The following COL13A1 variants were observed in gnomAD, a reference collection of about 807,000 sequenced individuals.
COL13A1 encodes the protein collagen alpha-1(XIII) chain.
A neutral mutation model predicts 130.9 loss-of-function variants in COL13A1; 89 were observed. The observed-to-expected ratio is 0.68, with a 90% CI of 0.57 to 0.81. COL13A1 has a LOEUF of 0.81. Ranked by LOEUF, COL13A1 falls within the 30% of genes least tolerant of loss-of-function variation. The pLI is 0.00. For synonymous variants in COL13A1, 402 were observed against 341.6 expected, an observed-to-expected ratio of 1.18 and a Z score of -1.95; for missense variants, 879 against 934.6, an observed-to-expected ratio of 0.94 and a Z score of 0.78.
At chr10:69,955,144 A>G (rs1002334665) in intron 39 of COL13A1, 1 of 152,206 alleles carries the variant, frequency 6.6e-6, no homozygotes, top group African/African-American at 2.4e-5. Flanking sequence ...AACAAAAGAG[A>G]AAAAGATACA....
At chr10:69,826,032 G>A (rs1240365270) in intron 2 of COL13A1, among the ~76,000 whole-genome samples, 2 of 152,204 alleles carry the variant, frequency 1.3e-5, no homozygotes, top group African/African-American at 4.8e-5. Flanking sequence ...ATATGGCCTG[G>A]TGGGATAGGA....
chr10:69,920,920 T>C (rs1018269725), intron 21 of COL13A1, among the ~76,000 whole-genome samples: 3 of 152,138 alleles, frequency 2.0e-5, no homozygotes, highest in Non-Finnish European at 4.4e-5. Context: ...ATCTGTGAAA[T>C]GAGAATGGGG....
At chr10:69,819,707 C>G (rs969819485) in intron 1 of COL13A1, among the ~76,000 whole-genome samples, 1 of 152,212 alleles carries the variant, frequency 6.6e-6, no homozygotes, top group African/African-American at 2.4e-5. Flanking sequence ...CTGGTCTAAT[C>G]CTGGGAGCCT....
At chr10:69,893,500 G>C (rs2061379262) in intron 10 of COL13A1, among the ~76,000 whole-genome samples, 2 of 152,214 alleles carry the variant, frequency 1.3e-5, no homozygotes. Flanking sequence ...GCGGGGAGCA[G>C]GAACAAGGCT....
chr10:69,953,347 C>A (rs1241451393), intron 39 of COL13A1, among the ~76,000 whole-genome samples: 1 of 152,210 alleles, frequency 6.6e-6, no homozygotes, highest in Non-Finnish European at 1.5e-5. Context: ...TCATGGCCAC[C>A]TCTGTGGGCC....
At chr10:69,841,061 C>A in intron 2 of COL13A1, among the ~76,000 whole-genome samples, 1 of 152,124 alleles carries the variant, frequency 6.6e-6, no homozygotes, top group Non-Finnish European at 1.5e-5. Flanking sequence ...CCATCCCTCC[C>A]CACTGCCCCC....
rs554149804 is a variant in COL13A1, at chr10:69,958,835, T to C, written c.*134T>C. ...ATTAAAAAAGAAAGAAAAACCTGCA[T>C]ATTTTGTACAGAAAATATCAACCTC... On this transcript the variant is annotated 3_prime_UTR_variant, in exon 41 of 41. Coordinates refer to ENST00000645393, the MANE Select transcript of COL13A1 (RefSeq NM_001368882.1). The C allele has an allele frequency of 4.1e-6, 5 of 1,229,654 alleles. No homozygotes were observed. The East Asian group carries it at 9.9e-5, about 24-fold the overall frequency. 76.2% of individuals were successfully genotyped at this position (1,229,654 alleles called of 1,614,324 possible).
chr10:69,898,209 C>T (rs1461140002), intron 13 of COL13A1, among the ~76,000 whole-genome samples: 1 of 152,214 alleles, frequency 6.6e-6, no homozygotes, highest in African/African-American at 2.4e-5. Context: ...CTTCAAGTAC[C>T]AATTTCACGG....
intron 14 of COL13A1, 39 bp from the exon 15 acceptor site, chr10:69,902,709 G>T (rs1448268749): frequency 2.0e-6 from 3 of 1,512,536 alleles, no homozygotes; most frequent in African/African-American, 2.8e-5. Flanking sequence ...CTGCAGCTCT[G>T]GGGGCCTTCC....
chr10:69,894,102 C>G (rs2061424367), intron 10 of COL13A1, among the ~76,000 whole-genome samples: 1 of 152,184 alleles, frequency 6.6e-6, no homozygotes, highest in Non-Finnish European at 1.5e-5. Flanking sequence ...TTCTCTAAGG[C>G]CCCCATTGTC....
chr10:69,875,243 G>GTGC, intron 5 of COL13A1, 80 bp downstream of exon 5: 1 of 1,568,314 alleles, frequency 6.4e-7, no homozygotes, highest in Non-Finnish European at 8.8e-7. Context: ...CCATGGCAAT[G>GTGC]TGCTGTCTAT....
At chr10:69,896,244 CA>C (rs1387706475) in intron 13 of COL13A1, among the ~76,000 whole-genome samples, 1 of 151,908 alleles carries the variant, frequency 6.6e-6, no homozygotes, top group Non-Finnish European at 1.5e-5. Context: ...TTCCTTGCTC[CA>C]CCCCAAGACA....
chr10:69,937,454 G>A (rs1208816714), intron 33 of COL13A1, among the ~76,000 whole-genome samples, 181 bp from the exon 34 acceptor site: 1 of 152,152 alleles, frequency 6.6e-6, no homozygotes, highest in Non-Finnish European at 1.5e-5. Context: ...ACAGGATACA[G>A]GGGCTACTAA....
chr10:69,898,251 T>C (rs2061850977), intron 13 of COL13A1, among the ~76,000 whole-genome samples: 1 of 152,112 alleles, frequency 6.6e-6, no homozygotes, highest in Admixed American at 6.5e-5. Flanking sequence ...AGCCTCTGAG[T>C]TGGCTCCCTT....
intron 2 of COL13A1, among the ~76,000 whole-genome samples, chr10:69,842,069 C>A (rs1398698513): frequency 6.6e-6 from 1 of 152,216 alleles, no homozygotes; most frequent in Non-Finnish European, 1.5e-5. Context: ...ACTGTGTCCC[C>A]ACTCAAATCT....
At chr10:69,919,815 C>A in intron 21 of COL13A1, 88 bp downstream of exon 21, 1 of 398,416 alleles carries the variant, frequency 2.5e-6, no homozygotes, top group South Asian at 1.3e-4. Flanking sequence ...GCTGGTGTGT[C>A]GCCTGCAGCG....
chr10:69,911,643 G>C (rs572982299), intron 17 of COL13A1, among the ~76,000 whole-genome samples: 3 of 152,346 alleles, frequency 2.0e-5, no homozygotes, highest in Non-Finnish European at 2.9e-5. Flanking sequence ...AGCTGTTTTC[G>C]TTCTTGTAAG....
chr10:69,893,077 G>A (rs573179502), intron 10 of COL13A1, among the ~76,000 whole-genome samples: 6 of 152,338 alleles, frequency 3.9e-5, no homozygotes, highest in East Asian at 1.9e-4. Flanking sequence ...CAGGCCGAGC[G>A]CGGTGGCTCA....
At chr10:69,914,197 C>T (rs1386989285) in intron 17 of COL13A1, among the ~76,000 whole-genome samples, 2 of 152,288 alleles carry the variant, frequency 1.3e-5, no homozygotes, top group South Asian at 4.1e-4. Context: ...CAGGAGCACC[C>T]CTCTGGGCAG....
Sources: gnomAD v4.1 joint callset for allele counts (sites outside exome capture counted in the v4.1 genomes callset) on GRCh38, gnomAD v4.1.1 for gene constraint, MANE v1.5 for transcripts, NCBI Gene and HGNC (gene_info 2026-07-23, HGNC 2026-07-21) for gene names.